Variants in CABIN1 observed in about 807,000 individuals in gnomAD.
CABIN1 encodes the protein calcineurin binding protein 1, also known as calcineurin-binding protein cabin-1.
A neutral mutation model predicts 227.7 loss-of-function variants in CABIN1; 133 were observed. That is an observed-to-expected ratio of 0.58 (90% CI 0.51 to 0.67). CABIN1 has a LOEUF of 0.67. Ranked by LOEUF, CABIN1 falls within the 30% of genes least tolerant of loss-of-function variation. CABIN1 has a pLI of 0.00. For synonymous variants in CABIN1, 1,086 were observed against 1,155.1 expected, an observed-to-expected ratio of 0.94 and a Z score of 1.21; for missense variants, 2,408 against 2,852.5, an observed-to-expected ratio of 0.84 and a Z score of 3.55.
At position 24,089,853 on chromosome 22, in the gene CABIN1, G is replaced by A. The variant is rs146390528; in HGVS notation, c.3526-1730G>A. On this transcript the variant is annotated intron_variant, in intron 23 of 36. Coordinates refer to ENST00000263119, the MANE Select transcript of CABIN1 (RefSeq NM_012295.4). ...CAAGGGGAAAGGCTTTGGAGCCAGA[G>A]CGTTCTAGCTGTATGACCTGGAAGC... Among the ~76,000 whole-genome samples, 249 of 152,332 alleles carry A rather than the reference G, an allele frequency of 1.6e-3. 2 individuals are homozygous for A. The highest frequency in any genetic ancestry group is 5.7e-3 in the African/African-American group (235 of 41,574).
rs771270819 is a variant in CABIN1 at position 24,070,862 on chromosome 22, C to T, written c.2295C>T (p.Asn765=). The T allele has an allele frequency of 7.4e-6, 12 of 1,614,104 alleles. No homozygotes were observed. The highest frequency in any genetic ancestry group is 5.0e-5 in the Admixed American group (3 of 60,012). Residue 765 remains asparagine, a synonymous_variant, in exon 17 of 37, where the codon AAC becomes AAT. Transcript: ENST00000263119. ...TTGAGTGTTCCGATGTGGCTCTGAACGAGGCTGTCCAGCAGATGGTGAACT... is the reference window on the plus strand; with the variant it reads ...TTGAGTGTTCCGATGTGGCTCTGAATGAGGCTGTCCAGCAGATGGTGAACT... The part of the protein sequence containing the change: ...QCFECSDVAL[N]EAVQQMVNSG...
intron 29 of CABIN1, among the ~76,000 whole-genome samples, chr22:24,160,583 G>T (rs1202611054): frequency 1.3e-5 from 2 of 152,232 alleles, no homozygotes; most frequent in African/African-American, 4.8e-5. Flanking sequence ...TCGAGCCCCG[G>T]GTTGGCCCTG....
chr22:24,083,082 G>T, intron 19 of CABIN1, 146 bp from the exon 20 acceptor site: 1 of 776,806 alleles, frequency 1.3e-6, no homozygotes, highest in Non-Finnish European at 2.2e-6. Flanking sequence ...AGGTGTTTTT[G>T]GAATCAAGTC....
At chr22:24,167,855 C>T (rs534597927) in intron 32 of CABIN1, among the ~76,000 whole-genome samples, 1 of 152,304 alleles carries the variant, frequency 6.6e-6, no homozygotes, top group African/African-American at 2.4e-5. Flanking sequence ...TGCCCCATAT[C>T]ATATGGACCT....
intron 1 of CABIN1, among the ~76,000 whole-genome samples, chr22:24,016,255 T>C (rs2035275120): frequency 6.6e-6 from 1 of 152,252 alleles, no homozygotes; most frequent in South Asian, 2.1e-4. Context: ...CAATATGTGG[T>C]ATTTTGTTAC....
chr22:24,169,559 C>T (rs1405345279), intron 33 of CABIN1, among the ~76,000 whole-genome samples: 1 of 152,204 alleles, frequency 6.6e-6, no homozygotes, highest in African/African-American at 2.4e-5. Flanking sequence ...GGCCAGAGTC[C>T]TTGACAGGGA....
At chr22:24,120,355 G>A (rs374673271) in intron 28 of CABIN1, among the ~76,000 whole-genome samples, 10 of 152,194 alleles carry the variant, frequency 6.6e-5, no homozygotes, top group Admixed American at 6.5e-4. Flanking sequence ...GGGCTTCCCA[G>A]CCAGACCTCT....
At chr22:24,176,354 C>G in intron 35 of CABIN1, 79 bp downstream of exon 35, 1 of 1,494,314 alleles carries the variant, frequency 6.7e-7, no homozygotes, top group South Asian at 1.2e-5. Context: ...GGTTTCCCGG[C>G]CTGGCCTTGA....
rs761683800 is a variant in CABIN1 at position 24,165,481 on chromosome 22, GGT to G, written c.4911-46_4911-45del. On this transcript the variant is annotated intron_variant, in intron 30 of 36. Transcript: ENST00000263119. ...TGGCCACCATCCAGCAGTGCCATGT[GGT>G]GTCAGATGCCCTCCTGTCCTCTCTG... The G allele has an allele frequency of 2.8e-5, 42 of 1,504,220 alleles. No homozygotes were observed. In the African/African-American group the frequency reaches 5.5e-4, roughly 20 times the overall value. The allele number at this position is 1,504,220 out of a possible 1,614,324, so 93.2% of individuals were successfully genotyped here.
intron 27 of CABIN1, among the ~76,000 whole-genome samples, chr22:24,114,259 C>T (rs1340524643): frequency 6.6e-6 from 1 of 152,172 alleles, no homozygotes; most frequent in Non-Finnish European, 1.5e-5. Flanking sequence ...GGGGTCCAGG[C>T]CCCCTTTATA....
chr22:24,111,887 G>A (rs551009107), intron 26 of CABIN1, among the ~76,000 whole-genome samples: 33 of 152,302 alleles, frequency 2.2e-4, no homozygotes, highest in Admixed American at 1.8e-3. Flanking sequence ...GTCTGGGAAA[G>A]GCATTCGTCA....
Position 24,054,674 on chromosome 22 carries a change from G to A in CABIN1, c.807-199G>A, listed in dbSNP as rs570674070. ...GGTCCCTGGTCCAGCTTTGGCTGCC[G>A]CATCTTCAGTTCAGCTGTGTTAGAC... On this transcript the variant is annotated intron_variant, in intron 8 of 36. Transcript: ENST00000263119. 7.2e-5 allele frequency among the ~76,000 whole-genome samples: 11 copies of A among 152,276 alleles called. No homozygotes were observed. In the South Asian group the frequency reaches 2.3e-3, roughly 32 times the overall value.
chr22:24,101,434 A>G (rs1238742803), intron 26 of CABIN1, among the ~76,000 whole-genome samples: 1 of 152,204 alleles, frequency 6.6e-6, no homozygotes, highest in Non-Finnish European at 1.5e-5. Context: ...CAGCCTGTGC[A>G]TAACTCTGGT....
chr22:24,043,060 C>G lies in CABIN1; in HGVS notation c.502C>G (p.Leu168Val). Residue 168 changes from leucine to valine, a missense_variant, in exon 6 of 37, where the codon CTG becomes GTG. Leu to Val is a conservative substitution (Grantham distance 32). Coordinates refer to ENST00000263119, the MANE Select transcript of CABIN1 (RefSeq NM_012295.4). ...WPCLDNLITV[L>V]YTLSDYTTCL... is the part of the protein sequence containing the mutation. ...CTGTTTGGATAACCTAATCACTGTC[C>G]TGTACACCCTCAGTGATTACACAAG... 1 of 1,613,950 alleles carries G rather than the reference C, an allele frequency of 6.2e-7. No homozygotes were observed. The highest frequency in any genetic ancestry group is 8.5e-7 in the Non-Finnish European group (1 of 1,179,966).
In CABIN1 at chr22:24,060,071, A is replaced by G. The variant is rs1183786474; in HGVS notation, c.1547A>G (p.His516Arg). The part of the protein sequence containing the change: ...GLAEVVLSVY[H>R]SWRRHSTSLP... ...GCGGAGGTCGTGCTCAGCGTCTACCACAGCTGGAGGAGGCACAGCACCAGC... is the reference window on the plus strand; with the variant it reads ...GCGGAGGTCGTGCTCAGCGTCTACCGCAGCTGGAGGAGGCACAGCACCAGC... Residue 516 changes from histidine (H) to arginine (R), a missense_variant, in exon 12 of 37, where the codon CAC (histidine) becomes CGC (arginine). Physicochemically the swap from His to Arg is conservative, Grantham distance 29 (BLOSUM62 0). This residue lies in a region of CABIN1 where 1,045 missense variants were observed against 1,168.4 expected (regional missense o/e 0.89). Transcript: ENST00000263119. The G allele has an allele frequency of 6.2e-7, 1 of 1,613,954 alleles. No individual in the cohort carries two copies. Among genetic ancestry groups the G allele is most frequent in the Non-Finnish European group, 8.5e-7 (1 of 1,180,008 alleles).
At chr22:24,138,881 G>A (rs2044576079) in intron 29 of CABIN1, among the ~76,000 whole-genome samples, 1 of 152,178 alleles carries the variant, frequency 6.6e-6, no homozygotes, top group African/African-American at 2.4e-5. Context: ...CCTCTCTGCA[G>A]CATTCCTTCC....
At chr22:24,031,391 A>G (rs2036484425) in intron 1 of CABIN1, among the ~76,000 whole-genome samples, 1 of 152,200 alleles carries the variant, frequency 6.6e-6, no homozygotes, top group Admixed American at 6.5e-5. Context: ...GCCATTTTAT[A>G]TACAAGGACA....
chr22:24,036,077 C>A lies in CABIN1; in HGVS notation c.4-12C>A, dbSNP rs767907743. On this transcript the variant is annotated splice_polypyrimidine_tract_variant and intron_variant, in intron 2 of 36. Coordinates refer to ENST00000263119, the MANE Select transcript of CABIN1 (RefSeq NM_012295.4). ...AAGCAACTTGTCTCTTCCACCAAAC[C>A]CCTGTTTCTAGATTCGAATTGCAGC... 1 of 1,600,524 alleles carries A rather than the reference C, an allele frequency of 6.2e-7. No homozygotes were observed. The highest frequency in any genetic ancestry group is 1.3e-5 in the African/African-American group (1 of 74,696).
intron 6 of CABIN1, among the ~76,000 whole-genome samples, chr22:24,045,065 A>G (rs749257950): frequency 2.6e-5 from 4 of 151,736 alleles, no homozygotes; most frequent in Non-Finnish European, 4.4e-5. Flanking sequence ...GACTACAGGC[A>G]CCCACCACCA....
Sources: gnomAD v4.1 joint callset for allele counts (sites outside exome capture counted in the v4.1 genomes callset) on GRCh38, gnomAD v4.1.1 for gene constraint, gnomAD v4.1.1 regional missense constraint, MANE v1.5 for transcripts, NCBI Gene and HGNC (gene_info 2026-07-23, HGNC 2026-07-21) for gene names.